The following KHDRBS2 variants were observed in gnomAD, a reference collection of about 807,000 sequenced individuals.
KHDRBS2 encodes the protein KH RNA binding domain containing, signal transduction associated 2, also known as KH domain-containing, RNA-binding, signal transduction-associated protein 2.
KHDRBS2 carries 26 observed loss-of-function variants against 44.3 expected under a neutral mutation model. The observed-to-expected ratio is 0.59, with a 90% CI of 0.43 to 0.81. The LOEUF is 0.81. Among genes scored for constraint, KHDRBS2 ranks in the 40% least tolerant of loss-of-function variants. The probability of loss-of-function intolerance (pLI) is 0.00; values close to 1 mark genes in which losing one functional copy is unlikely to be tolerated. For synonymous variants in KHDRBS2, 194 were observed against 151.1 expected, an observed-to-expected ratio of 1.28 and a Z score of -2.08; for missense variants, 476 against 433.1, an observed-to-expected ratio of 1.10 and a Z score of -0.88.
chr6:61,685,635 C>T (rs1240584367), intron 8 of KHDRBS2, among the ~76,000 whole-genome samples: 1 of 151,796 alleles, frequency 6.6e-6, no homozygotes, highest in African/African-American at 2.4e-5. Context: ...TGGTAGTCAG[C>T]GTCACTGAGG....
intron 4 of KHDRBS2, among the ~76,000 whole-genome samples, chr6:61,962,109 A>C (rs1768877662): frequency 6.6e-6 from 1 of 152,066 alleles, no homozygotes; most frequent in Non-Finnish European, 1.5e-5. Context: ...TCTTCAATAA[A>C]CACTATTTCT....
intron 8 of KHDRBS2, among the ~76,000 whole-genome samples, chr6:61,692,812 T>C (rs1767513014): frequency 6.6e-6 from 1 of 152,068 alleles, no homozygotes; most frequent in Non-Finnish European, 1.5e-5. Flanking sequence ...ATGCCTTCAC[T>C]TGTCCCCACA....
chr6:61,576,698 T>C, the KHDRBS2 span, among the ~76,000 whole-genome samples: 1 of 152,184 alleles, frequency 6.6e-6, no homozygotes, highest in Non-Finnish European at 1.5e-5. Flanking sequence ...ATAAACTATA[T>C]GCTTCGATAA....
chr6:61,587,143 G>A, the KHDRBS2 span, among the ~76,000 whole-genome samples: 1 of 152,170 alleles, frequency 6.6e-6, no homozygotes, highest in Non-Finnish European at 1.5e-5. Context: ...CTGATAGCAA[G>A]CCTCCTAATG....
At chr6:62,135,309 C>T (rs1811269541) in intron 2 of KHDRBS2, among the ~76,000 whole-genome samples, 1 of 152,158 alleles carries the variant, frequency 6.6e-6, no homozygotes, top group African/African-American at 2.4e-5. Context: ...TAAGACACAC[C>T]TTTTGCCTTC....
At chr6:61,660,970 A>T in the KHDRBS2 span, among the ~76,000 whole-genome samples, 6 of 151,974 alleles carry the variant, frequency 3.9e-5, no homozygotes, top group East Asian at 9.7e-4. Flanking sequence ...TTTTTTTATT[A>T]GTTGATTATT....
At chr6:61,840,524 C>T (rs182874564) in intron 6 of KHDRBS2, among the ~76,000 whole-genome samples, 82 of 152,180 alleles carry the variant, frequency 5.4e-4, no homozygotes, top group Admixed American at 5.1e-3. Context: ...TAAAATCCTC[C>T]ACAACCAAGA....
chr6:62,044,575 C>T (rs186430503), intron 3 of KHDRBS2, among the ~76,000 whole-genome samples: 2 of 152,002 alleles, frequency 1.3e-5, no homozygotes, highest in African/African-American at 4.8e-5. Context: ...CATAGAAAAG[C>T]AATCTGCATT....
chr6:62,068,855 G>T (rs1431587044), intron 2 of KHDRBS2, among the ~76,000 whole-genome samples: 1 of 151,578 alleles, frequency 6.6e-6, no homozygotes, highest in East Asian at 2.0e-4. Flanking sequence ...ATTAGTCTTT[G>T]TTTTAATCTT....
chr6:62,012,635 T>C (rs1469132271), intron 3 of KHDRBS2, among the ~76,000 whole-genome samples: 1 of 152,122 alleles, frequency 6.6e-6, no homozygotes, highest in Non-Finnish European at 1.5e-5. Context: ...GCCTTCCTTT[T>C]GGTCTTTGCA....
At chr6:61,568,013 G>T in the KHDRBS2 span, among the ~76,000 whole-genome samples, 1 of 152,046 alleles carries the variant, frequency 6.6e-6, no homozygotes, top group Non-Finnish European at 1.5e-5. Flanking sequence ...GTTAATTTTT[G>T]TATATATAGA....
At chr6:62,143,562 C>T (rs1242203183) in intron 2 of KHDRBS2, among the ~76,000 whole-genome samples, 1 of 152,002 alleles carries the variant, frequency 6.6e-6, no homozygotes, top group Non-Finnish European at 1.5e-5. Context: ...AACACTGCCT[C>T]ATTTATTCTC....
the KHDRBS2 span, among the ~76,000 whole-genome samples, chr6:61,600,388 T>A: frequency 6.6e-6 from 1 of 152,134 alleles, no homozygotes; most frequent in African/African-American, 2.4e-5. Flanking sequence ...AAATTCCTTC[T>A]CCTGGCTCAT....
At chr6:62,073,836 C>T (rs1795797523) in intron 2 of KHDRBS2, among the ~76,000 whole-genome samples, 1 of 151,696 alleles carries the variant, frequency 6.6e-6, no homozygotes. Flanking sequence ...TGTCAACAAT[C>T]TAAATCATGT....
chr6:61,860,339 T>C (rs751021868), intron 6 of KHDRBS2, among the ~76,000 whole-genome samples: 4 of 151,862 alleles, frequency 2.6e-5, no homozygotes, highest in Non-Finnish European at 5.9e-5. Context: ...CTAGTATTCA[T>C]TAGTTATTTT....
At chr6:62,035,134 G>T (rs1222898927) in intron 3 of KHDRBS2, among the ~76,000 whole-genome samples, 1 of 151,940 alleles carries the variant, frequency 6.6e-6, no homozygotes, top group Non-Finnish European at 1.5e-5. Flanking sequence ...CAATCCCACT[G>T]CTGGGTACAT....
intron 6 of KHDRBS2, among the ~76,000 whole-genome samples, chr6:61,822,836 G>C (rs1790161752): frequency 6.6e-6 from 1 of 151,932 alleles, no homozygotes; most frequent in Non-Finnish European, 1.5e-5. Flanking sequence ...CATCCCCTCA[G>C]AAGAGATCAG....
the KHDRBS2 span, among the ~76,000 whole-genome samples, chr6:61,617,804 T>C: frequency 6.6e-6 from 1 of 152,150 alleles, no homozygotes; most frequent in Non-Finnish European, 1.5e-5. Flanking sequence ...GTCGAGGCAC[T>C]AGGTAATTAA....
At position 62,063,343 on chromosome 6, in the gene KHDRBS2, C is replaced by G. The variant is rs191189446; in HGVS notation, c.220-15349G>C. 3.3e-5 allele frequency among the ~76,000 whole-genome samples: 5 copies of G among 151,372 alleles called. No individual in the cohort carries two copies. The East Asian group carries it at 9.8e-4, about 30-fold the overall frequency. On this transcript the variant is annotated intron_variant, in intron 2 of 8. Coordinates refer to ENST00000281156, the MANE Select transcript of KHDRBS2 (RefSeq NM_152688.4). ...CACAACCGAACAAGAGAATTTTAGA[C>G]CAATATCCTTGATGAACATTGATGC...
Sources: allele counts gnomAD v4.1 joint callset (sites outside exome capture counted in the v4.1 genomes callset), GRCh38; gene constraint gnomAD v4.1.1; transcripts MANE v1.5; gene names NCBI Gene and HGNC (gene_info 2026-07-23, HGNC 2026-07-21).